PLPPR1: variants seen among roughly 807,000 people sequenced by gnomAD.
PLPPR1 encodes the protein phospholipid phosphatase-related protein type 1.
A neutral mutation model predicts 33.1 loss-of-function variants in PLPPR1; 10 were observed. The observed-to-expected ratio is 0.30, with a 90% CI of 0.19 to 0.51. The LOEUF (loss-of-function observed/expected upper bound fraction) is 0.51. Ranked by LOEUF, PLPPR1 falls within the 20% of genes least tolerant of loss-of-function variation. The pLI, the probability that PLPPR1 is intolerant of heterozygous loss-of-function variation, is 0.97. For missense variants in PLPPR1, 304 were observed against 408.1 expected (o/e 0.74, Z 2.20); for synonymous variants, 151 against 151.0 (o/e 1.00, Z 0.00).
intron 1 of PLPPR1, among the ~76,000 whole-genome samples, chr9:101,138,741 G>A (rs1831409677): frequency 6.6e-6 from 1 of 152,192 alleles, no homozygotes; most frequent in Non-Finnish European, 1.5e-5. Flanking sequence ...CTGTGAAGCA[G>A]GAATTATCAC....
intron 2 of PLPPR1, among the ~76,000 whole-genome samples, chr9:101,245,371 T>C (rs1827570073): frequency 6.6e-6 from 1 of 151,986 alleles, no homozygotes; most frequent in African/African-American, 2.4e-5. Flanking sequence ...TATTTAAATA[T>C]ATAATTTAGG....
chr9:101,052,256 C>T (rs1365019667), intron 1 of PLPPR1, among the ~76,000 whole-genome samples: 5 of 152,012 alleles, frequency 3.3e-5, no homozygotes, highest in South Asian at 2.1e-4. Context: ...GCTTTAAGAC[C>T]GTATGTATGG....
chr9:101,108,960 A>ATTTTT (rs5899429), intron 1 of PLPPR1, among the ~76,000 whole-genome samples: 2,091 of 136,712 alleles, frequency 0.015, 39 homozygotes, highest in African/African-American at 0.038. Flanking sequence ...GTCTTCAATA[A>ATTTTT]TTTTTTTTTT....
chr9:101,160,901 CT>C (rs936002618), intron 1 of PLPPR1, among the ~76,000 whole-genome samples: 33 of 152,260 alleles, frequency 2.2e-4, no homozygotes, highest in African/African-American at 7.5e-4. Flanking sequence ...GACAAGTTGT[CT>C]ATAGCCGGAT....
intron 4 of PLPPR1, among the ~76,000 whole-genome samples, chr9:101,294,982 A>T (rs1828594337): frequency 6.6e-6 from 1 of 152,194 alleles, no homozygotes; most frequent in Non-Finnish European, 1.5e-5. Flanking sequence ...AATAAAGGGT[A>T]TTCAATTAGG....
intron 4 of PLPPR1, among the ~76,000 whole-genome samples, chr9:101,307,686 G>A (rs1828880525): frequency 6.6e-6 from 1 of 152,198 alleles, no homozygotes; most frequent in South Asian, 2.1e-4. Flanking sequence ...AGCCAAACTA[G>A]TCTTCACTTC....
chr9:101,292,549 G>A (rs929252109), intron 4 of PLPPR1, among the ~76,000 whole-genome samples: 8 of 151,820 alleles, frequency 5.3e-5, no homozygotes, highest in Admixed American at 2.0e-4. Context: ...GAGAATGGTC[G>A]GGTAACCCAC....
chr9:101,177,032 A>G (rs1826028784), intron 1 of PLPPR1, among the ~76,000 whole-genome samples: 1 of 152,230 alleles, frequency 6.6e-6, no homozygotes, highest in Admixed American at 6.5e-5. Context: ...ACTTTGTAAT[A>G]TATTTTGAAA....
At chr9:101,113,834 G>T (rs1310292497) in intron 1 of PLPPR1, among the ~76,000 whole-genome samples, 1 of 152,020 alleles carries the variant, frequency 6.6e-6, no homozygotes, top group African/African-American at 2.4e-5. Flanking sequence ...GAAGCTCTGT[G>T]GTTCTTTTGG....
chr9:101,134,942 G>A (rs1831360934), intron 1 of PLPPR1, among the ~76,000 whole-genome samples: 1 of 152,122 alleles, frequency 6.6e-6, no homozygotes, highest in African/African-American at 2.4e-5. Flanking sequence ...GACCTGCAGA[G>A]AGTCGAGCTT....
intron 2 of PLPPR1, among the ~76,000 whole-genome samples, chr9:101,253,351 C>A (rs1250199812): frequency 2.0e-5 from 3 of 151,872 alleles, no homozygotes; most frequent in African/African-American, 7.3e-5. Flanking sequence ...AGTTCAAGAC[C>A]AACCTGGCCA....
At chr9:101,143,374 A>G (rs934532237) in intron 1 of PLPPR1, among the ~76,000 whole-genome samples, 7 of 152,084 alleles carry the variant, frequency 4.6e-5, no homozygotes, top group Non-Finnish European at 8.8e-5. Context: ...CCTCCAGTTC[A>G]TATATCGAAG....
At chr9:101,148,945 C>A (rs1454403958) in intron 1 of PLPPR1, among the ~76,000 whole-genome samples, 1 of 152,162 alleles carries the variant, frequency 6.6e-6, no homozygotes, top group Non-Finnish European at 1.5e-5. Flanking sequence ...ATCCCCAAAA[C>A]CTTTTATTAG....
At chr9:101,242,745 G>C (rs986424778) in intron 2 of PLPPR1, among the ~76,000 whole-genome samples, 3 of 152,060 alleles carry the variant, frequency 2.0e-5, no homozygotes, top group African/African-American at 7.2e-5. Context: ...TGCACATTGA[G>C]TTAACCTATT....
intron 2 of PLPPR1, among the ~76,000 whole-genome samples, chr9:101,259,897 GA>G (rs1827866781): frequency 6.6e-6 from 1 of 152,214 alleles, no homozygotes; most frequent in African/African-American, 2.4e-5. Context: ...TCAGCAGGGG[GA>G]TGACTTTGAG....
Position 101,196,935 on chromosome 9 carries a change from C to T in PLPPR1, c.63+11378C>T, listed in dbSNP as rs923542116. Among the ~76,000 whole-genome samples, 4 of 152,032 alleles carry T rather than the reference C, an allele frequency of 2.6e-5. No homozygotes were observed. The East Asian group carries it at 7.7e-4, about 29-fold the overall frequency. On this transcript the variant is annotated intron_variant, in intron 2 of 7. Coordinates refer to ENST00000374874, the MANE Select transcript of PLPPR1 (RefSeq NM_207299.2). ...TTCAAATTAGATAGTTATGTGAATG[C>T]GGGAGGGAATGGCTTCAAAGCAGTA...
intron 6 of PLPPR1, 142 bp from the exon 7 acceptor site, chr9:101,317,223 T>C: frequency 1.2e-6 from 1 of 833,772 alleles, no homozygotes; most frequent in Non-Finnish European, 1.9e-6. Flanking sequence ...CCACAGCACT[T>C]CCCATAGTCC....
chr9:101,056,965 A>G (rs904689714), intron 1 of PLPPR1, among the ~76,000 whole-genome samples: 2 of 152,004 alleles, frequency 1.3e-5, no homozygotes, highest in Non-Finnish European at 2.9e-5. Flanking sequence ...AAGCCAGGCT[A>G]CTCATTACTC....
At chr9:101,180,092 CTTTATATATATATATATATATA>C (rs1826076184) in intron 1 of PLPPR1, among the ~76,000 whole-genome samples, 1 of 59,750 alleles carries the variant, frequency 1.7e-5, no homozygotes, top group African/African-American at 6.7e-5. Context: ...ATAAACTCTC[CTTTATATATATATATATATATA>C]TATATATATA....
Sources: gnomAD v4.1 joint callset for allele counts (sites outside exome capture counted in the v4.1 genomes callset) on GRCh38, gnomAD v4.1.1 for gene constraint, MANE v1.5 for transcripts, NCBI Gene and HGNC (gene_info 2026-07-23, HGNC 2026-07-21) for gene names.